PDE4D: variants seen among roughly 807,000 people sequenced by gnomAD.
PDE4D encodes the protein phosphodiesterase 4D.
Under a neutral mutation model 87.4 loss-of-function variants are expected in PDE4D, and 24 were observed. That is an observed-to-expected ratio of 0.27 (90% CI 0.20 to 0.39). PDE4D has a LOEUF of 0.39. Ranked by LOEUF, PDE4D falls within the 10% of genes least tolerant of loss-of-function variation. The probability of loss-of-function intolerance (pLI) is 1.00; values close to 1 mark genes in which losing one functional copy is unlikely to be tolerated. For missense variants in PDE4D, 714 were observed against 1,041.0 expected (o/e 0.69, Z 4.32); for synonymous variants, 384 against 383.2 (o/e 1.00, Z -0.02).
chr5:60,355,949 C>A (rs1031162622), intron 1 of PDE4D, among the ~76,000 whole-genome samples: 19 of 152,230 alleles, frequency 1.2e-4, no homozygotes, highest in African/African-American at 4.6e-4. Context: ...ACATTCCAGA[C>A]TTGTGCTGTT....
intron 1 of PDE4D, among the ~76,000 whole-genome samples, chr5:59,621,010 C>CT (rs531970502): frequency 1.1e-3 from 169 of 148,160 alleles, no homozygotes; most frequent in Middle Eastern, 3.5e-3. Context: ...CTCATTTCCT[C>CT]TTTTTTTTTT....
chr5:59,385,284 A>G (rs1167871120), intron 1 of PDE4D, among the ~76,000 whole-genome samples: 1 of 152,158 alleles, frequency 6.6e-6, no homozygotes, highest in Non-Finnish European at 1.5e-5. Context: ...CATTTTATAG[A>G]AGCTCAAGTG....
At chr5:59,814,376 C>G (rs916172287) in intron 1 of PDE4D, among the ~76,000 whole-genome samples, 1 of 152,134 alleles carries the variant, frequency 6.6e-6, no homozygotes, top group Non-Finnish European at 1.5e-5. Context: ...TGCATGCTAT[C>G]TATAGTATTT....
At chr5:59,867,835 G>A (rs1439179181) in intron 1 of PDE4D, among the ~76,000 whole-genome samples, 1 of 152,142 alleles carries the variant, frequency 6.6e-6, no homozygotes, top group Non-Finnish European at 1.5e-5. Context: ...AGCAGAATAT[G>A]ATATATTATG....
chr5:59,145,079 T>C (rs1372324300), intron 5 of PDE4D, among the ~76,000 whole-genome samples: 1 of 152,176 alleles, frequency 6.6e-6, no homozygotes, highest in Admixed American at 6.5e-5. Context: ...AATGGAATGA[T>C]CATTTTCAAC....
intron 1 of PDE4D, among the ~76,000 whole-genome samples, chr5:60,286,074 G>A (rs1003023252): frequency 6.6e-5 from 10 of 152,128 alleles, no homozygotes; most frequent in African/African-American, 2.2e-4. Flanking sequence ...CAGGACGCCC[G>A]TTTAACACTA....
intron 1 of PDE4D, among the ~76,000 whole-genome samples, chr5:60,396,006 G>C (rs1269843066): frequency 1.3e-5 from 2 of 152,212 alleles, no homozygotes; most frequent in Admixed American, 1.3e-4. Flanking sequence ...GTTACCAAGA[G>C]AATCAGCTAC....
At chr5:60,092,007 C>T (rs1489582201) in intron 2 of PDE4D, among the ~76,000 whole-genome samples, 7 of 137,290 alleles carry the variant, frequency 5.1e-5, no homozygotes, top group Non-Finnish European at 3.1e-5. Flanking sequence ...GTCGAGATCG[C>T]GCCACTGCGC....
intron 2 of PDE4D, among the ~76,000 whole-genome samples, chr5:60,153,558 G>A (rs1476825234): frequency 1.3e-5 from 2 of 152,174 alleles, no homozygotes; most frequent in African/African-American, 2.4e-5. Flanking sequence ...ATGTTGAAGA[G>A]ATATTTGCAT....
chr5:59,619,907 T>A (rs1830144583), intron 1 of PDE4D, among the ~76,000 whole-genome samples: 1 of 152,298 alleles, frequency 6.6e-6, no homozygotes, highest in East Asian at 1.9e-4. Flanking sequence ...GGAGGACCCA[T>A]GAAAATTTGC....
intron 2 of PDE4D, among the ~76,000 whole-genome samples, chr5:59,989,087 C>CATATATATATATATATAT (rs541522751): frequency 2.2e-4 from 22 of 100,376 alleles, no homozygotes; most frequent in South Asian, 7.5e-4. Context: ...ATGCATGTGT[C>CATATATATATATATATAT]ATATATATAT....
At chr5:59,310,247 T>TC (rs1481146826) in intron 1 of PDE4D, among the ~76,000 whole-genome samples, 2 of 152,162 alleles carry the variant, frequency 1.3e-5, no homozygotes, top group African/African-American at 2.4e-5. Context: ...TTATGCTTCC[T>TC]TTTTTTCTGT....
At chr5:60,386,178 T>C (rs575405882) in intron 1 of PDE4D, among the ~76,000 whole-genome samples, 3 of 152,262 alleles carry the variant, frequency 2.0e-5, no homozygotes, top group Admixed American at 6.5e-5. Flanking sequence ...GAAAAAAATA[T>C]ATAGTAATTT....
At chr5:59,908,781 A>G (rs2152768300) in intron 3 of PDE4D, among the ~76,000 whole-genome samples, 1 of 152,316 alleles carries the variant, frequency 6.6e-6, no homozygotes, top group East Asian at 1.9e-4. Flanking sequence ...ATCTACTTTC[A>G]AAAGGTAATG....
intron 5 of PDE4D, among the ~76,000 whole-genome samples, chr5:59,121,303 T>C (rs961370533): frequency 1.3e-5 from 2 of 152,106 alleles, no homozygotes; most frequent in African/African-American, 2.4e-5. Context: ...AAACTACTCA[T>C]CTGACAAGGG....
chr5:59,684,313 A>T (rs1196270067), intron 1 of PDE4D, among the ~76,000 whole-genome samples: 1 of 152,102 alleles, frequency 6.6e-6, no homozygotes, highest in Admixed American at 6.6e-5. Context: ...TTTCCATTAG[A>T]CTGTCATGTT....
At chr5:59,859,675 G>A (rs1233710995) in intron 1 of PDE4D, among the ~76,000 whole-genome samples, 2 of 152,118 alleles carry the variant, frequency 1.3e-5, no homozygotes, top group Non-Finnish European at 2.9e-5. Context: ...AGTGTTAAAA[G>A]GATATGAATT....
chr5:59,653,114 C>G (rs1365853635), intron 1 of PDE4D, among the ~76,000 whole-genome samples: 1 of 150,986 alleles, frequency 6.6e-6, no homozygotes, highest in Non-Finnish European at 1.5e-5. Context: ...TCCAACATTT[C>G]AAAACTGAAA....
At chr5:59,352,496 T>C (rs557539945) in intron 1 of PDE4D, among the ~76,000 whole-genome samples, 2 of 152,288 alleles carry the variant, frequency 1.3e-5, no homozygotes, top group African/African-American at 4.8e-5. Flanking sequence ...GAGACAGCTT[T>C]TTCTAATGGG....
Sources: gnomAD v4.1 joint callset for allele counts (sites outside exome capture counted in the v4.1 genomes callset) on GRCh38, gnomAD v4.1.1 for gene constraint, MANE v1.5 for transcripts, NCBI Gene and HGNC (gene_info 2026-07-23, HGNC 2026-07-21) for gene names.